The following SLAIN2 variants were observed in gnomAD, a reference collection of about 807,000 sequenced individuals.
The protein encoded by SLAIN2 is SLAIN family member 2, also known as SLAIN motif-containing protein 2.
In SLAIN2, 31 loss-of-function variants were observed where a neutral mutation model predicts 56.6. The ratio of observed to expected loss-of-function variants is 0.55; its 90% CI spans 0.41 to 0.74. The LOEUF (loss-of-function observed/expected upper bound fraction) is 0.74. Ranked by LOEUF, SLAIN2 falls within the 30% of genes least tolerant of loss-of-function variation. The pLI, the probability that SLAIN2 is intolerant of heterozygous loss-of-function variation, is 0.00. For missense variants in SLAIN2, 777 were observed against 754.2 expected (o/e 1.03, Z -0.35); for synonymous variants, 317 against 284.9 (o/e 1.11, Z -1.13).
chr4:48,343,309 T>C (rs1577704480), intron 1 of SLAIN2, among the ~76,000 whole-genome samples: 1 of 152,218 alleles, frequency 6.6e-6, no homozygotes, highest in African/African-American at 2.4e-5. Context: ...TATAGAGTTA[T>C]GAAAATTTAG....
chr4:48,411,164 C>T (rs1716834714), intron 6 of SLAIN2, among the ~76,000 whole-genome samples: 1 of 152,090 alleles, frequency 6.6e-6, no homozygotes, highest in Admixed American at 6.5e-5. Context: ...GGGAACAGCT[C>T]TCCCTGTTGA....
intron 1 of SLAIN2, among the ~76,000 whole-genome samples, chr4:48,348,261 T>G (rs1714923301): frequency 6.6e-6 from 1 of 152,004 alleles, no homozygotes; most frequent in South Asian, 2.1e-4. Context: ...CTAAAAAAAT[T>G]GTTGGAAATA....
intron 6 of SLAIN2, among the ~76,000 whole-genome samples, chr4:48,400,905 C>A (rs564690884): frequency 2.0e-5 from 3 of 152,170 alleles, no homozygotes; most frequent in Admixed American, 2.0e-4. Flanking sequence ...TGAGATCTTT[C>A]TAGCTTTGTG....
intron 2 of SLAIN2, among the ~76,000 whole-genome samples, chr4:48,376,336 T>TAC (rs1356867530): frequency 1.3e-5 from 2 of 151,714 alleles, no homozygotes; most frequent in Non-Finnish European, 2.9e-5. Context: ...ATGCCTGTAT[T>TAC]CCCAGCTATT....
rs1168045532 is a variant in SLAIN2 at position 48,424,911 on chromosome 4, CCTTT to C, written c.*2835_*2838del. 6 of 152,008 alleles carry C rather than the reference CCTTT, an allele frequency of 3.9e-5. No individual in the cohort carries two copies. The highest frequency in any genetic ancestry group is 7.4e-5 in the Non-Finnish European group (5 of 67,982). The allele number at this position is 152,008 out of a possible 1,614,324, so 9.4% of individuals were successfully genotyped here. On this transcript the variant is annotated 3_prime_UTR_variant, in exon 8 of 8. Transcript: ENST00000264313. ...GTCCATTTTTGACGTTAAGCATGGT[CCTTT>C]AAGGTCACATGACGTTTGATTTGCA...
At chr4:48,416,875 G>GT (rs1717009886) in intron 6 of SLAIN2, among the ~76,000 whole-genome samples, 1 of 126,600 alleles carries the variant, frequency 7.9e-6, no homozygotes, top group Admixed American at 8.8e-5. Flanking sequence ...GAAATTTATA[G>GT]CACTAAATGC....
At chr4:48,375,727 A>T (rs1277782072) in intron 2 of SLAIN2, among the ~76,000 whole-genome samples, 1 of 152,156 alleles carries the variant, frequency 6.6e-6, no homozygotes, top group Non-Finnish European at 1.5e-5. Flanking sequence ...CAGGCCTTCC[A>T]TGACCTGGCT....
In SLAIN2 at chr4:48,342,073, C is replaced by T; in HGVS notation, c.334C>T (p.Leu112=). 1 of 1,373,292 alleles carries T rather than the reference C, an allele frequency of 7.3e-7. No individual in the cohort carries two copies. The highest frequency in any genetic ancestry group is 9.3e-7 in the Non-Finnish European group (1 of 1,071,034). The allele number at this position is 1,373,292 out of a possible 1,614,324, so 85.1% of individuals were successfully genotyped here. Residue 112 remains leucine, a synonymous_variant, in exon 1 of 8, where the codon CTG becomes TTG. Coordinates refer to ENST00000264313, the MANE Select transcript of SLAIN2 (RefSeq NM_020846.2). ...EGGLLDEVEP[L]RPDELERLSG... is the part of the protein sequence containing the mutation. Reference sequence around the variant, plus strand: ...CGGCTTGCTGGACGAGGTGGAGCCGCTGCGGCCCGACGAGCTGGAGCGCCT... The same window carrying T: ...CGGCTTGCTGGACGAGGTGGAGCCGTTGCGGCCCGACGAGCTGGAGCGCCT...
At chr4:48,395,024 T>C (rs1716341552) in intron 6 of SLAIN2, among the ~76,000 whole-genome samples, 1 of 152,228 alleles carries the variant, frequency 6.6e-6, no homozygotes, top group African/African-American at 2.4e-5. Context: ...ATTTTTACTT[T>C]TACTTACCTG....
At chr4:48,397,894 C>T (rs7674297) in intron 6 of SLAIN2, among the ~76,000 whole-genome samples, 1 of 152,104 alleles carries the variant, frequency 6.6e-6, no homozygotes, top group Non-Finnish European at 1.5e-5. Context: ...TTTTCTTTAT[C>T]GAGTCTGCCA....
intron 4 of SLAIN2, among the ~76,000 whole-genome samples, chr4:48,380,072 C>T (rs1051459204): frequency 6.6e-6 from 1 of 152,078 alleles, no homozygotes; most frequent in African/African-American, 2.4e-5. Context: ...GGACAAAGAA[C>T]AGCATTTATG....
intron 6 of SLAIN2, among the ~76,000 whole-genome samples, chr4:48,390,514 C>A (rs559489881): frequency 2.6e-5 from 4 of 151,980 alleles, no homozygotes; most frequent in Non-Finnish European, 4.4e-5. Context: ...ATGAAAAAAT[C>A]ATTTTCAATT....
Position 48,379,781 on chromosome 4 carries a change from A to G in SLAIN2, c.795A>G (p.Ser265=). 2.5e-6 allele frequency: 4 copies of G among 1,599,140 alleles called. No homozygotes were observed. In the South Asian group the frequency reaches 4.5e-5, roughly 18 times the overall value. ...GTGCTTCAGAATTAGATGAAGATTC[A>G]ATTGGATCCAATTATAAGCTAAATG... is the stretch of plus-strand genomic sequence containing the variant. ...ELSASELDED[S]IGSNYKLNDV... is the part of the protein sequence containing the mutation. Residue 265 remains serine, a synonymous_variant, in exon 4 of 8, where the codon TCA becomes TCG. Transcript: ENST00000264313.
At chr4:48,384,853 T>G (rs55851785) in intron 6 of SLAIN2, among the ~76,000 whole-genome samples, 2 of 152,164 alleles carry the variant, frequency 1.3e-5, no homozygotes, top group South Asian at 4.1e-4. Context: ...GATAGGATGA[T>G]GAGGAGTGGA....
intron 1 of SLAIN2, among the ~76,000 whole-genome samples, chr4:48,369,349 G>A (rs888064961): frequency 4.6e-5 from 7 of 152,120 alleles, no homozygotes; most frequent in Non-Finnish European, 8.8e-5. Context: ...AGTTATTTAG[G>A]GTTAAAGTAT....
chr4:48,355,869 T>C (rs1715142770), intron 1 of SLAIN2, among the ~76,000 whole-genome samples: 2 of 152,064 alleles, frequency 1.3e-5, no homozygotes, highest in Admixed American at 6.5e-5. Context: ...TTAATTTTAT[T>C]ATAACTCAAA....
chr4:48,388,677 A>G (rs1056624990), intron 6 of SLAIN2, among the ~76,000 whole-genome samples: 5 of 152,172 alleles, frequency 3.3e-5, no homozygotes, highest in Non-Finnish European at 7.4e-5. Flanking sequence ...TGAGTCTCCT[A>G]TTTTCCTCTT....
intron 6 of SLAIN2, among the ~76,000 whole-genome samples, chr4:48,413,988 CTT>C (rs1464924539): frequency 6.6e-6 from 1 of 152,028 alleles, no homozygotes; most frequent in Non-Finnish European, 1.5e-5. Context: ...AGAAAACAAA[CTT>C]AGCACAATTA....
intron 1 of SLAIN2, among the ~76,000 whole-genome samples, chr4:48,357,797 C>T (rs574100295): frequency 2.6e-5 from 4 of 152,146 alleles, no homozygotes; most frequent in East Asian, 3.9e-4. Context: ...TCAGGTGTTC[C>T]GCCCGACTTG....
Sources: allele counts gnomAD v4.1 joint callset (sites outside exome capture counted in the v4.1 genomes callset), GRCh38; gene constraint gnomAD v4.1.1; transcripts MANE v1.5; gene names NCBI Gene and HGNC (gene_info 2026-07-23, HGNC 2026-07-21).